The following IKZF1 variants were observed in gnomAD, a reference collection of about 807,000 sequenced individuals.
The protein encoded by IKZF1 is DNA-binding protein Ikaros.
IKZF1 carries 10 observed loss-of-function variants against 51.7 expected under a neutral mutation model. The ratio of observed to expected loss-of-function variants is 0.19; its 90% CI spans 0.12 to 0.33. The LOEUF (loss-of-function observed/expected upper bound fraction) is 0.33. IKZF1 is among the 10% of genes least tolerant of loss of function. The probability of loss-of-function intolerance (pLI) is 1.00; values close to 1 mark genes in which losing one functional copy is unlikely to be tolerated. For synonymous variants in IKZF1, 280 were observed against 282.3 expected (o/e 0.99, Z 0.08); for missense variants, 484 against 707.5 (o/e 0.68, Z 3.58).
Position 50,400,925 on chromosome 7 carries a change from T to C in IKZF1, c.*298T>C. On this transcript the variant is annotated 3_prime_UTR_variant, in exon 8 of 8. Transcript: ENST00000331340. The surrounding 1 kb of genome is among the most constrained non-coding windows in gnomAD (Gnocchi z 5.4). ...TCACCTGTCGCTTCCTAGAATCCCC[T>C]TCTCCAAACGATTAGTCTAAATTTT... 2.1e-6 allele frequency: 1 copy of C among 470,286 alleles called. No individual in the cohort carries two copies. Among genetic ancestry groups the C allele is most frequent in the Non-Finnish European group, 3.8e-6 (1 of 263,020 alleles). 29.1% of individuals were successfully genotyped at this position (470,286 alleles called of 1,614,324 possible).
chr7:50,326,932 T>C (rs1256157111), intron 2 of IKZF1, among the ~76,000 whole-genome samples: 3 of 152,188 alleles, frequency 2.0e-5, no homozygotes, highest in African/African-American at 4.8e-5. Flanking sequence ...GCAGAATGTA[T>C]AGCTCTAAGC....
At chr7:50,336,153 C>T (rs1402290259) in intron 3 of IKZF1, among the ~76,000 whole-genome samples, 9 of 152,278 alleles carry the variant, frequency 5.9e-5, no homozygotes, top group African/African-American at 1.9e-4. Context: ...GGGTGCAGCC[C>T]GTGGCCAGGC....
chr7:50,379,668 C>T (rs887590435), intron 4 of IKZF1, among the ~76,000 whole-genome samples: 4 of 152,110 alleles, frequency 2.6e-5, no homozygotes, highest in African/African-American at 7.2e-5. Context: ...CTATCTAGTT[C>T]CCATCTGTAA....
intron 3 of IKZF1, among the ~76,000 whole-genome samples, chr7:50,350,334 C>G (rs906391210): frequency 6.6e-6 from 1 of 152,238 alleles, no homozygotes; most frequent in Non-Finnish European, 1.5e-5. Flanking sequence ...GAAGCCTGTA[C>G]AGATGTTCCC....
At chr7:50,393,229 G>A (rs1815698601) in intron 7 of IKZF1, among the ~76,000 whole-genome samples, 1 of 152,194 alleles carries the variant, frequency 6.6e-6, no homozygotes, top group African/African-American at 2.4e-5. Context: ...GAGTCACACT[G>A]ATTCTAGAGT....
At chr7:50,307,528 C>T (rs1369824916) in intron 1 of IKZF1, among the ~76,000 whole-genome samples, 4 of 152,190 alleles carry the variant, frequency 2.6e-5, no homozygotes, top group Non-Finnish European at 4.4e-5. Context: ...GAACATTGTT[C>T]TCTCTCTGGT....
chr7:50,386,657 A>T (rs1278979145), intron 5 of IKZF1, among the ~76,000 whole-genome samples: 1 of 152,088 alleles, frequency 6.6e-6, no homozygotes, highest in Non-Finnish European at 1.5e-5. Flanking sequence ...ACATATACAT[A>T]AAATAGAAAT....
chr7:50,376,897 T>C lies in IKZF1; in HGVS notation c.421+104T>C, dbSNP rs1810438750. On this transcript the variant is annotated intron_variant, in intron 4 of 7. Coordinates refer to ENST00000331340, the MANE Select transcript of IKZF1 (RefSeq NM_006060.6). The surrounding 1 kb of genome is among the most constrained non-coding windows in gnomAD (Gnocchi z 4.5). ...CTTGTGTTCTGAGCATGTTTCTAAT[T>C]GACTGGTAGCTCAGTTGTTGCAAGC... 1.3e-6 allele frequency: 2 copies of C among 1,503,028 alleles called. No homozygotes were observed. Among genetic ancestry groups the C allele is most frequent in the Non-Finnish European group, 1.8e-6 (2 of 1,124,916 alleles). 93.1% of individuals were successfully genotyped at this position (1,503,028 alleles called of 1,614,324 possible).
Position 50,356,874 on chromosome 7 carries a change from T to C in IKZF1, c.161-19659T>C, listed in dbSNP as rs972609984. Among the ~76,000 whole-genome samples, 3 of 151,842 alleles carry C rather than the reference T, an allele frequency of 2.0e-5. 1 individual carries two copies. The highest frequency in any genetic ancestry group is 1.3e-4 in the Admixed American group (2 of 15,266). On this transcript the variant is annotated intron_variant, in intron 3 of 7. Coordinates refer to ENST00000331340, the MANE Select transcript of IKZF1 (RefSeq NM_006060.6). ...CCTCCTGGAGACCAGGGTGGGACGGTGTCTCTGGATATGGAGGGAAGGGCG... is the reference window on the plus strand; with the variant it reads ...CCTCCTGGAGACCAGGGTGGGACGGCGTCTCTGGATATGGAGGGAAGGGCG...
chr7:50,338,931 A>T (rs1296426817), intron 3 of IKZF1, among the ~76,000 whole-genome samples: 6 of 152,242 alleles, frequency 3.9e-5, no homozygotes, highest in Non-Finnish European at 8.8e-5. Flanking sequence ...ACAGAAACTT[A>T]TAGGGAACTC....
intron 3 of IKZF1, among the ~76,000 whole-genome samples, chr7:50,374,342 G>A (rs1809601554): frequency 6.6e-6 from 1 of 152,184 alleles, no homozygotes; most frequent in South Asian, 2.1e-4. Context: ...CACATCTACA[G>A]ACCTTCAGGA....
At chr7:50,344,942 T>C (rs997183586) in intron 3 of IKZF1, among the ~76,000 whole-genome samples, 3 of 151,926 alleles carry the variant, frequency 2.0e-5, no homozygotes, top group Non-Finnish European at 4.4e-5. Context: ...TTAAATCAAA[T>C]ATATTAGGTT....
intron 3 of IKZF1, among the ~76,000 whole-genome samples, chr7:50,339,249 G>GTGTGTGTGTGTGTGTGTGTT (rs1798507204): frequency 2.6e-5 from 4 of 151,516 alleles, no homozygotes; most frequent in Non-Finnish European, 5.9e-5. Flanking sequence ...GTGTGTGTGT[G>GTGTGTGTGTGTGTGTGTGTT]TGTGTGTGTT....
intron 3 of IKZF1, among the ~76,000 whole-genome samples, chr7:50,367,174 G>A (rs1237951530): frequency 6.6e-6 from 1 of 152,214 alleles, no homozygotes; most frequent in Non-Finnish European, 1.5e-5. Context: ...GCAAAGTTCA[G>A]TAGGTCTGCT....
chr7:50,393,166 G>T (rs114306804), intron 7 of IKZF1, among the ~76,000 whole-genome samples: 2,016 of 152,278 alleles, frequency 0.013, 44 homozygotes, highest in African/African-American at 0.044. Context: ...AGGGGAAGGG[G>T]TGGTGTCAGA....
At chr7:50,322,424 T>A (rs531426348) in intron 2 of IKZF1, among the ~76,000 whole-genome samples, 3 of 152,184 alleles carry the variant, frequency 2.0e-5, no homozygotes, top group Non-Finnish European at 4.4e-5. Context: ...CTGGGTTATT[T>A]GTTCCTTGAG....
intron 3 of IKZF1, among the ~76,000 whole-genome samples, chr7:50,362,119 CCTAATCTT>C (rs1244528080): frequency 1.3e-5 from 2 of 152,186 alleles, no homozygotes; most frequent in Non-Finnish European, 2.9e-5. Flanking sequence ...ATTGGTTTTT[CCTAATCTT>C]CTGTCAAGTT....
At position 50,381,295 on chromosome 7, in the gene IKZF1, T is replaced by C. The variant is rs113557739; in HGVS notation, c.422-1245T>C. 8.1e-3 allele frequency among the ~76,000 whole-genome samples: 1,235 copies of C among 152,314 alleles called. 13 individuals are homozygous for C. The highest frequency in any genetic ancestry group is 0.024 in the African/African-American group (979 of 41,548). ...GTTAAATAGACATTTTAATACATTG[T>C]TTTTTCCTGAGAAAAAAAGTGACTC... is the stretch of plus-strand genomic sequence containing the variant. On this transcript the variant is annotated intron_variant, in intron 4 of 7. Coordinates refer to ENST00000331340, the MANE Select transcript of IKZF1 (RefSeq NM_006060.6).
chr7:50,306,694 T>C (rs1404627522), intron 1 of IKZF1, among the ~76,000 whole-genome samples: 1 of 152,258 alleles, frequency 6.6e-6, no homozygotes, highest in Non-Finnish European at 1.5e-5. Context: ...TCGCAGTGAA[T>C]GTATTAGCCA....
Sources: allele counts gnomAD v4.1 joint callset (sites outside exome capture counted in the v4.1 genomes callset), GRCh38; gene constraint gnomAD v4.1.1; non-coding constraint Gnocchi (gnomAD v3.1); transcripts MANE v1.5; gene names NCBI Gene and HGNC (gene_info 2026-07-23, HGNC 2026-07-21).